The following TMEM232 variants were observed in gnomAD, a reference collection of about 807,000 sequenced individuals.
TMEM232 encodes transmembrane protein 232.
In TMEM232, 80 loss-of-function variants were observed where a neutral mutation model predicts 78.8. The ratio of observed to expected loss-of-function variants is 1.01; its 90% CI spans 0.85 to 1.22. The LOEUF is 1.22. Among genes scored for constraint, TMEM232 ranks in the 50% most tolerant of loss-of-function variants. The pLI, the probability that TMEM232 is intolerant of heterozygous loss-of-function variation, is 0.00. For missense variants in TMEM232, 881 were observed against 742.2 expected (o/e 1.19, Z -2.17); for synonymous variants, 297 against 254.3 (o/e 1.17, Z -1.60).
intron 1 of TMEM232, among the ~76,000 whole-genome samples, chr5:110,721,084 A>T (rs1316685684): frequency 6.6e-6 from 1 of 152,132 alleles, no homozygotes; most frequent in Non-Finnish European, 1.5e-5. Context: ...AACTAGTTGC[A>T]GGGGAAAAAG....
rs1193035858 is a variant in TMEM232 at position 110,605,205 on chromosome 5, T to A, written c.1180A>T (p.Asn394Tyr). Residue 394 changes from asparagine to tyrosine, a missense_variant, in exon 10 of 14, where the codon AAT becomes TAT. By Grantham distance (143) the Asn-to-Tyr change is moderately radical (BLOSUM62 -2). Coordinates refer to ENST00000455884, the MANE Select transcript of TMEM232 (RefSeq NM_001039763.4). Reference sequence around the variant, plus strand: ...ACTGATTTGTCCAAGTATAAAATATTTTTTTGTGAACTTTTACAGTGACAG... The same window carrying A: ...ACTGATTTGTCCAAGTATAAAATATATTTTTGTGAACTTTTACAGTGACAG... Reference protein sequence around the residue: ...GFCHCKSSQKNILYLDKSVPP... With the variant: ...GFCHCKSSQKYILYLDKSVPP... 2 of 1,551,114 alleles carry A rather than the reference T, an allele frequency of 1.3e-6. No individual in the cohort carries two copies. Among genetic ancestry groups the A allele is most frequent in the Non-Finnish European group, 1.7e-6 (2 of 1,146,678 alleles).
intron 12 of TMEM232, among the ~76,000 whole-genome samples, chr5:110,462,980 T>C (rs920463691): frequency 3.9e-5 from 6 of 152,154 alleles, no homozygotes; most frequent in Non-Finnish European, 8.8e-5. Context: ...GCTGTGAACA[T>C]TGTTGAAATG....
At chr5:110,545,804 T>C (rs1335608825) in intron 11 of TMEM232, among the ~76,000 whole-genome samples, 1 of 152,122 alleles carries the variant, frequency 6.6e-6, no homozygotes, top group Non-Finnish European at 1.5e-5. Context: ...TACATATTTC[T>C]TTTTGATATT....
intron 13 of TMEM232, among the ~76,000 whole-genome samples, chr5:110,424,249 C>A (rs1276241213): frequency 1.3e-5 from 2 of 151,868 alleles, no homozygotes; most frequent in Non-Finnish European, 2.9e-5. Flanking sequence ...ATATTTTATT[C>A]AAAGAAAAAA....
At chr5:110,629,736 T>C (rs1237717250) in intron 5 of TMEM232, among the ~76,000 whole-genome samples, 1 of 152,158 alleles carries the variant, frequency 6.6e-6, no homozygotes, top group African/African-American at 2.4e-5. Flanking sequence ...AATAGTTATA[T>C]GTTTTTGGTT....
intron 12 of TMEM232, among the ~76,000 whole-genome samples, chr5:110,435,376 A>G (rs149338723): frequency 6.6e-6 from 1 of 151,924 alleles, no homozygotes; most frequent in East Asian, 1.9e-4. Flanking sequence ...ATATATACCT[A>G]TATGGTACAT....
chr5:110,625,905 C>T (rs1333916052), intron 6 of TMEM232, among the ~76,000 whole-genome samples: 1 of 151,570 alleles, frequency 6.6e-6, no homozygotes, highest in African/African-American at 2.4e-5. Context: ...TTATTTACAA[C>T]AATAAGATAA....
intron 2 of TMEM232, among the ~76,000 whole-genome samples, chr5:110,657,790 G>A (rs1789283103): frequency 6.6e-6 from 1 of 152,088 alleles, no homozygotes; most frequent in Admixed American, 6.6e-5. Context: ...TTAAAGTGGT[G>A]GAGATCTTTA....
At chr5:110,611,877 C>T (rs1430323449) in intron 8 of TMEM232, among the ~76,000 whole-genome samples, 2 of 152,120 alleles carry the variant, frequency 1.3e-5, no homozygotes, top group East Asian at 1.9e-4. Flanking sequence ...GGAACAGTTT[C>T]GAAGTGTAAT....
At chr5:110,658,703 G>T (rs1789407949) in intron 2 of TMEM232, among the ~76,000 whole-genome samples, 1 of 152,108 alleles carries the variant, frequency 6.6e-6, no homozygotes, top group African/African-American at 2.4e-5. Context: ...GTCATCTCTT[G>T]TGAAATGTAA....
At chr5:110,482,387 C>A (rs1763964138) in intron 12 of TMEM232, among the ~76,000 whole-genome samples, 1 of 152,018 alleles carries the variant, frequency 6.6e-6, no homozygotes. Context: ...TTGAGATGAG[C>A]CTGGCCAACA....
At chr5:110,428,984 G>C (rs1757539795) in intron 12 of TMEM232, among the ~76,000 whole-genome samples, 1 of 151,698 alleles carries the variant, frequency 6.6e-6, no homozygotes, top group Admixed American at 6.6e-5. Flanking sequence ...GAGATGGCTG[G>C]GACTGAGATT....
At chr5:110,650,899 G>C (rs1005786624) in intron 2 of TMEM232, among the ~76,000 whole-genome samples, 1 of 152,120 alleles carries the variant, frequency 6.6e-6, no homozygotes, top group African/African-American at 2.4e-5. Flanking sequence ...AGGAGAAACT[G>C]AGTGCAGGGT....
chr5:110,505,664 G>C (rs1247246596), intron 12 of TMEM232, among the ~76,000 whole-genome samples: 2 of 151,812 alleles, frequency 1.3e-5, no homozygotes, highest in Non-Finnish European at 2.9e-5. Context: ...GCACAACCAC[G>C]CCCTAATTTT....
intron 11 of TMEM232, among the ~76,000 whole-genome samples, chr5:110,550,749 A>G (rs931088311): frequency 6.6e-6 from 1 of 151,954 alleles, no homozygotes; most frequent in Non-Finnish European, 1.5e-5. Context: ...TTATAATGAT[A>G]TGTATCAATT....
chr5:110,621,638 G>C (rs1214083478), intron 7 of TMEM232, among the ~76,000 whole-genome samples: 1 of 151,982 alleles, frequency 6.6e-6, no homozygotes, highest in Non-Finnish European at 1.5e-5. Context: ...GAAAAGCACT[G>C]AGCACTGCCT....
chr5:110,407,230 T>G (rs1477918141), intron 2 of TMEM232, among the ~76,000 whole-genome samples: 1 of 152,042 alleles, frequency 6.6e-6, no homozygotes, highest in African/African-American at 2.4e-5. Context: ...GTGTCAATTC[T>G]CCATTGAAAA....
intron 12 of TMEM232, among the ~76,000 whole-genome samples, chr5:110,528,366 T>C (rs549285673): frequency 2.5e-4 from 38 of 152,020 alleles, no homozygotes; most frequent in African/African-American, 9.1e-4. Context: ...TACATTAATA[T>C]TGATTTATAT....
chr5:110,422,519 CAAAAAAAA>C (rs34448955), intron 13 of TMEM232, among the ~76,000 whole-genome samples: 29 of 34,558 alleles, frequency 8.4e-4, no homozygotes, highest in Admixed American at 2.0e-3. Context: ...GACTCTGTCT[CAAAAAAAA>C]AAAAAAAAAA....
Sources: gnomAD v4.1 joint callset for allele counts (sites outside exome capture counted in the v4.1 genomes callset) on GRCh38, gnomAD v4.1.1 for gene constraint, MANE v1.5 for transcripts, NCBI Gene and HGNC (gene_info 2026-07-23, HGNC 2026-07-21) for gene names.